BCL11A: variants seen among roughly 807,000 people sequenced by gnomAD.
BCL11A encodes BCL11 transcription factor A.
Under a neutral mutation model 55.9 loss-of-function variants are expected in BCL11A, and 2 were observed. That is an observed-to-expected ratio of 0.04 (90% CI 0.01 to 0.11). The LOEUF is 0.11. BCL11A is among the 10% of genes least tolerant of loss of function. The probability of loss-of-function intolerance (pLI) is 1.00; values close to 1 mark genes in which losing one functional copy is unlikely to be tolerated. For missense variants in BCL11A, 817 were observed against 1,137.1 expected (o/e 0.72, Z 4.05); for synonymous variants, 465 against 473.4 (o/e 0.98, Z 0.23).
chr2:60,527,556 T>A (rs1669259184), intron 2 of BCL11A: 1 of 152,382 alleles, frequency 6.6e-6, no homozygotes, highest in African/African-American at 2.4e-5. Context: ...AGCAGCCACC[T>A]CCATCCCACC....
intron 2 of BCL11A, among the ~76,000 whole-genome samples, chr2:60,469,604 C>A (rs1315973814): frequency 2.0e-5 from 3 of 152,256 alleles, no homozygotes; most frequent in Non-Finnish European, 4.4e-5. Flanking sequence ...CCCATCTTCA[C>A]CATTTTACTG....
chr2:60,505,744 G>A (rs946214328), intron 2 of BCL11A, among the ~76,000 whole-genome samples: 3 of 152,200 alleles, frequency 2.0e-5, no homozygotes, highest in South Asian at 4.1e-4. Flanking sequence ...ACGGAGGGTG[G>A]GTAACCTCTC....
chr2:60,509,543 T>C (rs533281776), intron 2 of BCL11A, among the ~76,000 whole-genome samples: 1 of 152,344 alleles, frequency 6.6e-6, no homozygotes, highest in East Asian at 1.9e-4. Context: ...AGCAGCTCGA[T>C]GGTCTACCTG....
intron 2 of BCL11A, among the ~76,000 whole-genome samples, chr2:60,510,003 G>C (rs572345751): frequency 3.9e-5 from 6 of 152,056 alleles, no homozygotes; most frequent in Non-Finnish European, 5.9e-5. Flanking sequence ...CATCCCACCA[G>C]TCAGCAAATC....
In BCL11A at chr2:60,484,424, CTT is replaced by C. The variant is rs1412925554; in HGVS notation, c.386-15593_386-15592del. On this transcript the variant is annotated intron_variant, in intron 2 of 3. Coordinates refer to ENST00000642384, the MANE Select transcript of BCL11A (RefSeq NM_022893.4). ...GCATCTTCTTTCTCATCTTCTCTCT[CTT>C]TAGTCCTCAACAACTGGGGTCCTCT... 47 of 152,236 alleles carry C rather than the reference CTT, an allele frequency of 3.1e-4. 1 individual carries two copies. Among genetic ancestry groups the C allele is most frequent in the African/African-American group, 1.1e-3 (47 of 41,402 alleles). The allele number at this position is 152,236 out of a possible 1,614,324, so 9.4% of individuals were successfully genotyped here.
At chr2:60,519,552 T>TGCCG in intron 2 of BCL11A, among the ~76,000 whole-genome samples, 1 of 149,744 alleles carries the variant, frequency 6.7e-6, no homozygotes, top group East Asian at 1.9e-4. Flanking sequence ...CCTGCCTGCC[T>TGCCG]GCCTGCCTGC....
exon 5 of BCL11A, chr2:60,452,028 C>A (rs1675743615): frequency 8.8e-6 from 2 of 226,898 alleles, no homozygotes; most frequent in East Asian, 1.3e-4. Flanking sequence ...ACATCTCCTG[C>A]CCATTTCTCA....
At chr2:60,485,795 G>T (rs558290235) in intron 2 of BCL11A, among the ~76,000 whole-genome samples, 1 of 152,166 alleles carries the variant, frequency 6.6e-6, no homozygotes, top group Non-Finnish European at 1.5e-5. Context: ...GAGAAGGCAA[G>T]TGTTTCCCAA....
At position 60,458,614 on chromosome 2, in the gene BCL11A, T is replaced by C. The variant is rs1676059685; in HGVS notation, c.*1790A>G. ...ATGGCTGGCAAAGTTTTTTTTTTTT[T>C]AGTTTTTAAAAAATGCTCCTCAATG... On this transcript the variant is annotated 3_prime_UTR_variant, in exon 4 of 4. Coordinates refer to ENST00000642384, the MANE Select transcript of BCL11A (RefSeq NM_022893.4). 2 of 1,032,150 alleles carry C rather than the reference T, an allele frequency of 1.9e-6. No homozygotes were observed. Among genetic ancestry groups the C allele is most frequent in the Non-Finnish European group, 2.3e-6 (2 of 857,574 alleles). 63.9% of individuals were successfully genotyped at this position (1,032,150 alleles called of 1,614,324 possible). A position where few individuals can be genotyped will look rare whatever the true frequency, so the allele number is the denominator to read the frequency against.
At chr2:60,505,799 T>C (rs1573023752) in intron 2 of BCL11A, among the ~76,000 whole-genome samples, 1 of 152,342 alleles carries the variant, frequency 6.6e-6, no homozygotes, top group Non-Finnish European at 1.5e-5. Context: ...TGGCTGACTC[T>C]TAAATGGGAA....
At chr2:60,514,278 G>T (rs1668625880) in intron 2 of BCL11A, among the ~76,000 whole-genome samples, 1 of 152,162 alleles carries the variant, frequency 6.6e-6, no homozygotes, top group Admixed American at 6.5e-5. Flanking sequence ...CCGGCCACTG[G>T]TGGGATCGCA....
intron 2 of BCL11A, among the ~76,000 whole-genome samples, chr2:60,490,141 T>A (rs1296280767): frequency 1.3e-5 from 2 of 152,206 alleles, no homozygotes; most frequent in African/African-American, 4.8e-5. Context: ...TCTGGTTCCA[T>A]TCTGCTAGTG....
chr2:60,453,463 T>C (rs1675809295), downstream of BCL11A, among the ~76,000 whole-genome samples: 1 of 152,126 alleles, frequency 6.6e-6, no homozygotes, highest in African/African-American at 2.4e-5. Flanking sequence ...GCCTGGGGCC[T>C]CCTCTCCCCT....
intron 2 of BCL11A, among the ~76,000 whole-genome samples, chr2:60,503,236 C>T (rs560536705): frequency 2.0e-5 from 3 of 152,186 alleles, no homozygotes; most frequent in Non-Finnish European, 4.4e-5. Flanking sequence ...TCTGCAGCCT[C>T]AGGAGGCTCT....
At chr2:60,534,912 GA>G (rs920224439) in intron 2 of BCL11A, 7 of 152,206 alleles carry the variant, frequency 4.6e-5, no homozygotes, top group African/African-American at 1.7e-4. Flanking sequence ...ATCTTGAGAA[GA>G]AAAAACACTG....
chr2:60,457,191 A>G (rs1457700082), downstream of BCL11A: 5 of 963,644 alleles, frequency 5.2e-6, no homozygotes, highest in African/African-American at 7.0e-5. Context: ...GAAGCTTACA[A>G]TGTGTACTTT....
chr2:60,493,038 C>CAGA (rs1678736393), intron 2 of BCL11A, among the ~76,000 whole-genome samples: 1 of 152,194 alleles, frequency 6.6e-6, no homozygotes, highest in South Asian at 2.1e-4. Context: ...CACCTACCAC[C>CAGA]ACAGTGTTGA....
intron 2 of BCL11A, among the ~76,000 whole-genome samples, chr2:60,499,361 T>C (rs1444706606): frequency 3.9e-5 from 6 of 152,164 alleles, no homozygotes; most frequent in Non-Finnish European, 8.8e-5. Context: ...CCTTATTCCT[T>C]CAGGAGCAAT....
intron 2 of BCL11A, among the ~76,000 whole-genome samples, chr2:60,508,310 G>A (rs1679760126): frequency 6.6e-6 from 1 of 152,190 alleles, no homozygotes; most frequent in South Asian, 2.1e-4. Flanking sequence ...TGATGTGAAA[G>A]AGGAGACAGA....
Sources: allele counts gnomAD v4.1 joint callset (sites outside exome capture counted in the v4.1 genomes callset), GRCh38; gene constraint gnomAD v4.1.1; transcripts MANE v1.5; gene names NCBI Gene and HGNC (gene_info 2026-07-23, HGNC 2026-07-21).